The following ZFYVE26 variants were observed in gnomAD, a reference collection of about 807,000 sequenced individuals.
ZFYVE26 encodes the protein zinc finger FYVE domain-containing protein 26.
In ZFYVE26, 181 loss-of-function variants were observed where a neutral mutation model predicts 276.5. The ratio of observed to expected loss-of-function variants is 0.65; its 90% CI spans 0.58 to 0.74. The LOEUF is 0.74. ZFYVE26 is among the 30% of genes least tolerant of loss of function. The probability of loss-of-function intolerance (pLI) is 0.00; values close to 1 mark genes in which losing one functional copy is unlikely to be tolerated. For synonymous variants in ZFYVE26, 1,129 were observed against 1,203.1 expected, an observed-to-expected ratio of 0.94 and a Z score of 1.27; for missense variants, 2,821 against 3,097.9, an observed-to-expected ratio of 0.91 and a Z score of 2.12.
At chr14:67,785,485 G>T (rs1169668607) in intron 18 of ZFYVE26, among the ~76,000 whole-genome samples, 3 of 152,168 alleles carry the variant, frequency 2.0e-5, no homozygotes, top group South Asian at 2.1e-4. Context: ...TTTGAGTCTG[G>T]AGTGTATAAA....
Position 67,785,130 on chromosome 14 carries a change from T to G in ZFYVE26, c.3452A>C (p.Tyr1151Ser). The change falls in exon 19 of 42, where the codon TAC becomes TCC. Residue 1151 changes from tyrosine (Y) to serine (S), a missense_variant. Coordinates refer to ENST00000347230, the MANE Select transcript of ZFYVE26 (RefSeq NM_015346.4). ...QTPSGSRQMD[Y>S]LGTFFSYCST... Reference sequence around the variant, plus strand: ...GCAGTAACTGAAGAAGGTGCCCAAGTAGTCCATCTGCCTGCTGCCTGATGG... The same window carrying G: ...GCAGTAACTGAAGAAGGTGCCCAAGGAGTCCATCTGCCTGCTGCCTGATGG... The G allele has an allele frequency of 6.2e-7, 1 of 1,614,226 alleles. No individual in the cohort carries two copies. Among genetic ancestry groups the G allele is most frequent in the South Asian group, 1.1e-5 (1 of 91,082 alleles).
At chr14:67,816,350 C>T (rs931393949) in intron 1 of ZFYVE26, among the ~76,000 whole-genome samples, 184 bp downstream of exon 1, 1 of 152,124 alleles carries the variant, frequency 6.6e-6, no homozygotes, top group African/African-American at 2.4e-5. Flanking sequence ...GTGGTCGCCT[C>T]CTCAAGAATG....
chr14:67,729,315 G>T (rs1278441682), exon 14 of ZFYVE26: 1 of 1,600,770 alleles, frequency 6.2e-7, no homozygotes. Context: ...CACGGGAGGG[G>T]GCGCAGACCA....
chr14:67,778,318 TAC>T lies in ZFYVE26; in HGVS notation c.4675-72_4675-71del, dbSNP rs2039404684. ...TGATTCTTCTCAGCAGTCTTGAGTC[TAC>T]AAAGCCCCAGGAATGTTTATAAGTG... On this transcript the variant is annotated intron_variant, in intron 23 of 41. Transcript: ENST00000347230. The T allele has an allele frequency of 9.4e-6, 15 of 1,603,066 alleles. No individual in the cohort carries two copies. In the Admixed American group the frequency reaches 2.5e-4, roughly 27 times the overall value.
At chr14:67,789,730 C>T in intron 15 of ZFYVE26, 132 bp from the exon 16 acceptor site, 1 of 1,168,044 alleles carries the variant, frequency 8.6e-7, no homozygotes, top group South Asian at 1.3e-5. Context: ...TATATTAGCA[C>T]TATCATTATG....
chr14:67,795,220 G>A (rs1245097777), intron 12 of ZFYVE26, among the ~76,000 whole-genome samples: 4 of 152,158 alleles, frequency 2.6e-5, no homozygotes, highest in Non-Finnish European at 5.9e-5. Context: ...GTGCTGAATG[G>A]GTCAAGTGGA....
rs532101859 is a variant in ZFYVE26 at position 67,762,073 on chromosome 14, A to AT, written c.6369+129dup. 883 of 1,074,508 alleles carry AT rather than the reference A, an allele frequency of 8.2e-4. 6 individuals carry two copies. Among genetic ancestry groups the AT allele is most frequent in the African/African-American group, 8.0e-3 (506 of 63,630 alleles). 66.6% of individuals were successfully genotyped at this position (1,074,508 alleles called of 1,614,324 possible). ...TAACTATATGTGATGGAAAAAAAAAATTTTTAACCTGCTTGATGCTGAGCC... is the reference window on the plus strand; with the variant it reads ...TAACTATATGTGATGGAAAAAAAAAATTTTTTAACCTGCTTGATGCTGAGCC... On this transcript the variant is annotated intron_variant, in intron 34 of 41. Coordinates refer to ENST00000347230, the MANE Select transcript of ZFYVE26 (RefSeq NM_015346.4).
chr14:67,737,476 G>T (rs750867535), intron 13 of ZFYVE26, among the ~76,000 whole-genome samples: 1 of 152,084 alleles, frequency 6.6e-6, no homozygotes. Context: ...CAGGTCTCAT[G>T]AGAACTCTCT....
At chr14:67,750,196 T>G (rs1338684943) in intron 41 of ZFYVE26, among the ~76,000 whole-genome samples, 6 of 152,192 alleles carry the variant, frequency 3.9e-5, no homozygotes, top group Admixed American at 3.3e-4. Context: ...AATTTCATCC[T>G]TTCTGACATC....
chr14:67,813,906 A>T, intron 3 of ZFYVE26, 80 bp downstream of exon 3: 2 of 999,552 alleles, frequency 2.0e-6, no homozygotes, highest in South Asian at 2.7e-5. Flanking sequence ...GAAGTAACAG[A>T]CAGAAGGGAA....
rs751200921 is a variant in ZFYVE26 at position 67,804,198 on chromosome 14, G to A, written c.1338C>T (p.Tyr446=). Residue 446 remains tyrosine (Y), a synonymous_variant, in exon 9 of 42, where the codon TAC becomes TAT. Transcript: ENST00000347230. ...LHGGDSHSVL[Y]TLHHLTNLPA... ...GAAGGTTTGTAAGGTGATGGAGAGT[G>A]TAGAGCACTGAGTGGCTGTCTCCAC... 3 of 1,614,236 alleles carry A rather than the reference G, an allele frequency of 1.9e-6. No homozygotes were observed. The highest frequency in any genetic ancestry group is 1.1e-5 in the South Asian group (1 of 91,088).
rs2039659197 is a variant in ZFYVE26 at position 67,786,323 on chromosome 14, A to G, written c.3020-90T>C. 5.5e-6 allele frequency: 8 copies of G among 1,453,074 alleles called. No individual in the cohort carries two copies. In the South Asian group the frequency reaches 1.0e-4, roughly 18 times the overall value. 90.0% of individuals were successfully genotyped at this position (1,453,074 alleles called of 1,614,324 possible). ...ACTCAGTCCTGTATTTACCTGTGAA[A>G]TTTTATCCTCTCCAATATTAAGGAG... On this transcript the variant is annotated intron_variant, in intron 16 of 41. Transcript: ENST00000347230.
rs144930990 is a variant in ZFYVE26 at position 67,807,602 on chromosome 14, G to C, written c.682C>G (p.Pro228Ala). 3.7e-6 allele frequency: 6 copies of C among 1,614,066 alleles called. No homozygotes were observed. The highest frequency in any genetic ancestry group is 5.1e-6 in the Non-Finnish European group (6 of 1,180,028). Residue 228 changes from proline to alanine, a missense_variant, in exon 5 of 42, where the codon CCC becomes GCC. Physicochemically the swap from Pro to Ala is conservative, Grantham distance 27. Coordinates refer to ENST00000347230, the MANE Select transcript of ZFYVE26 (RefSeq NM_015346.4). ...IYGALRTLRC[P>A]AEPLGVELHL... ...AACTCAACCCCAAGTGGTTCTGCGG[G>C]GCAACGCAGAGTCCGCAGGGCTCCA...
chr14:67,753,304 G>A (rs1292817519), intron 39 of ZFYVE26, among the ~76,000 whole-genome samples: 3 of 152,154 alleles, frequency 2.0e-5, no homozygotes. Flanking sequence ...TTTATCACAA[G>A]CAATAGGAAA....
chr14:67,809,424 T>TA, intron 3 of ZFYVE26, 135 bp from the exon 4 acceptor site: 3 of 527,324 alleles, frequency 5.7e-6, no homozygotes, highest in East Asian at 3.8e-5. Flanking sequence ...TTTTTTTTTT[T>TA]TTTTTTTTTT....
rs759075168 is a variant in ZFYVE26, at chr14:67,754,162, C to T, written c.7037G>A (p.Arg2346Gln). 24 of 1,614,102 alleles carry T rather than the reference C, an allele frequency of 1.5e-5. No homozygotes were observed. The highest frequency in any genetic ancestry group is 8.8e-5 in the South Asian group (8 of 91,084). ...TTGAGAGGTCCCAGCACTTTCGCAC[C>T]GATGCAAGAACCTGGTCACTTCCAT... ...LQMEVTRFLH[R>Q]CESAGTSQIT... The change falls in exon 38 of 42, where the codon CGG becomes CAG. Residue 2346 changes from arginine to glutamine, a missense_variant. By Grantham distance (43) the Arg-to-Gln change is conservative (BLOSUM62 1). Coordinates refer to ENST00000347230, the MANE Select transcript of ZFYVE26 (RefSeq NM_015346.4).
At chr14:67,753,847 A>G (rs1406936764) in intron 38 of ZFYVE26, 81 bp from the exon 39 acceptor site, 2 of 1,532,580 alleles carry the variant, frequency 1.3e-6, no homozygotes, top group Non-Finnish European at 1.8e-6. Context: ...GCCTCTATTT[A>G]TTCAATTATT....
At chr14:67,752,789 AAT>A (rs894832830) in intron 39 of ZFYVE26, among the ~76,000 whole-genome samples, 39 of 152,186 alleles carry the variant, frequency 2.6e-4, no homozygotes, top group African/African-American at 8.7e-4. Flanking sequence ...ACTCACTGAA[AAT>A]ATTCTTATCA....
intron 13 of ZFYVE26, among the ~76,000 whole-genome samples, chr14:67,733,199 C>T (rs899228150): frequency 6.6e-6 from 1 of 152,090 alleles, no homozygotes; most frequent in Non-Finnish European, 1.5e-5. Context: ...CTCTAGTCCT[C>T]AGGGCCCCTG....
Sources: allele counts gnomAD v4.1 joint callset (sites outside exome capture counted in the v4.1 genomes callset), GRCh38; gene constraint gnomAD v4.1.1; transcripts MANE v1.5; gene names NCBI Gene and HGNC (gene_info 2026-07-23, HGNC 2026-07-21).